ASAH1: variants seen among roughly 807,000 people sequenced by gnomAD.
The protein encoded by ASAH1 is acid ceramidase.
Under a neutral mutation model 59.5 loss-of-function variants are expected in ASAH1, and 70 were observed. The ratio of observed to expected loss-of-function variants is 1.18; its 90% CI spans 0.97 to 1.43. The LOEUF (loss-of-function observed/expected upper bound fraction) is 1.43, where lower values mean the gene tolerates loss of function less well. ASAH1 is among the 40% of genes most tolerant of loss of function. The pLI is 0.00. For synonymous variants in ASAH1, 213 were observed against 166.5 expected (o/e 1.28, Z -2.15); for missense variants, 660 against 482.5 (o/e 1.37, Z -3.45).
intron 10 of ASAH1, chr8:18,060,961 C>G: frequency 5.5e-6 from 1 of 183,410 alleles, no homozygotes; most frequent in South Asian, 1.0e-4. Flanking sequence ...CCATGTTGCT[C>G]AGACTGGTCT....
chr8:18,073,576 G>C (rs1275863106), intron 2 of ASAH1, among the ~76,000 whole-genome samples: 1 of 152,218 alleles, frequency 6.6e-6, no homozygotes, highest in Non-Finnish European at 1.5e-5. Context: ...ATGGGACTCA[G>C]ATGGACTCAG....
intron 8 of ASAH1, 33 bp downstream of exon 8, chr8:18,062,246 A>G (rs778830228): frequency 6.2e-7 from 1 of 1,613,600 alleles, no homozygotes; most frequent in East Asian, 2.2e-5. Context: ...ACAGAAGGCT[A>G]CCTGTATAAT....
chr8:18,084,887 T>G, upstream of ASAH1: 1 of 1,555,594 alleles, frequency 6.4e-7, no homozygotes. Flanking sequence ...CGCGAGTAGC[T>G]CGGCAGGGGG....
chr8:18,063,485 T>G (rs527863922), intron 6 of ASAH1: 137 of 385,310 alleles, frequency 3.6e-4, no homozygotes, highest in Middle Eastern at 1.6e-3. Context: ...TTTTTTTTTT[T>G]GTATTTTTCT....
chr8:18,065,797 CAA>C (rs1257537198), intron 5 of ASAH1: 1 of 151,278 alleles, frequency 6.6e-6, no homozygotes, highest in African/African-American at 2.4e-5. Context: ...TAAGGGAAGA[CAA>C]AAAGACAAAT....
intron 6 of ASAH1, 59 bp from the exon 7 acceptor site, chr8:18,063,289 G>C (rs1450950142): frequency 6.9e-7 from 1 of 1,452,060 alleles, no homozygotes; most frequent in African/African-American, 1.4e-5. Flanking sequence ...AATCAAAGCT[G>C]GACAATTAAT....
intron 1 of ASAH1, among the ~76,000 whole-genome samples, chr8:18,079,165 C>T (rs34723173): frequency 0.024 from 3,555 of 150,582 alleles, 75 homozygotes; most frequent in South Asian, 0.038. Context: ...CCTAGGTACT[C>T]GGAAGGCTGA....
At chr8:18,082,361 T>A (rs1039230081) in intron 1 of ASAH1, among the ~76,000 whole-genome samples, 1 of 152,166 alleles carries the variant, frequency 6.6e-6, no homozygotes, top group African/African-American at 2.4e-5. Flanking sequence ...TCAATATTAT[T>A]ACAAGCCGAT....
At chr8:18,067,012 G>A (rs1366270324) in intron 5 of ASAH1, 3 of 396,720 alleles carry the variant, frequency 7.6e-6, no homozygotes, top group East Asian at 3.4e-5. Flanking sequence ...ATCGTGGAGT[G>A]CTGGGCTCTT....
intron 10 of ASAH1, chr8:18,059,913 A>G: frequency 2.0e-6 from 1 of 497,614 alleles, no homozygotes. Context: ...TATTTGTCCT[A>G]ATGCTCTCCC....
chr8:18,069,391 A>G (rs971126277), intron 4 of ASAH1: 1 of 179,892 alleles, frequency 5.6e-6, no homozygotes, highest in African/African-American at 2.4e-5. Context: ...CTACTGAGGA[A>G]CTCTACAGAA....
At chr8:18,084,773 T>G, upstream of ASAH1, 2 of 1,613,648 alleles carry the variant, frequency 1.2e-6, no homozygotes, top group Non-Finnish European at 1.7e-6. Flanking sequence ...CCCGCGAGCT[T>G]TCTCTCCCAG....
At chr8:18,075,065 G>T (rs944768812) in intron 2 of ASAH1, among the ~76,000 whole-genome samples, 4 of 146,782 alleles carry the variant, frequency 2.7e-5, no homozygotes, top group Admixed American at 2.1e-4. Flanking sequence ...GTGCGATCTC[G>T]GCTCACTGCA....
At chr8:18,080,050 G>T (rs1800587515) in intron 1 of ASAH1, among the ~76,000 whole-genome samples, 1 of 152,212 alleles carries the variant, frequency 6.6e-6, no homozygotes, top group African/African-American at 2.4e-5. Flanking sequence ...AGCAGTATTT[G>T]TTGAATAAGT....
At position 18,067,531 on chromosome 8, in the gene ASAH1, G is replaced by T. The variant is rs888150827; in HGVS notation, c.304-233C>A. 8 of 193,586 alleles carry T rather than the reference G, an allele frequency of 4.1e-5. 1 individual carries two copies. The South Asian group carries it at 7.6e-4, about 18-fold the overall frequency. The allele number at this position is 193,586 out of a possible 1,614,324, so 12.0% of individuals were successfully genotyped here. A position where few individuals can be genotyped will look rare whatever the true frequency, so the allele number is the denominator to read the frequency against. On this transcript the variant is annotated intron_variant, in intron 4 of 13. Transcript: ENST00000637790. ...ACTGAATATTGGGCCCCTATACAGA[G>T]ACCAGATTCTCAGATTGTTTTTCCT...
intron 1 of ASAH1, 190 bp downstream of exon 1, chr8:18,083,791 C>G: frequency 8.4e-7 from 1 of 1,186,434 alleles, no homozygotes; most frequent in Non-Finnish European, 1.2e-6. Flanking sequence ...CAGGTAGCAC[C>G]GAATCTACCG....
At chr8:18,070,084 G>A (rs949771593) in intron 3 of ASAH1, among the ~76,000 whole-genome samples, 4 of 152,032 alleles carry the variant, frequency 2.6e-5, no homozygotes, top group Non-Finnish European at 5.9e-5. Flanking sequence ...AGGTTCAAGC[G>A]ATTCTCCTGC....
intron 8 of ASAH1, 105 bp from the exon 9 acceptor site, chr8:18,061,845 ATGGGG>A: frequency 9.6e-7 from 1 of 1,045,802 alleles, no homozygotes; most frequent in Non-Finnish European, 1.4e-6. Context: ...AGCTTGGGTA[ATGGGG>A]AAGGCAAAAA....
chr8:18,079,416 A>G (rs1412815653), intron 1 of ASAH1, among the ~76,000 whole-genome samples: 1 of 152,014 alleles, frequency 6.6e-6, no homozygotes, highest in Non-Finnish European at 1.5e-5. Context: ...GAAATTAATT[A>G]CAGAGCTACT....
Sources: allele counts gnomAD v4.1 joint callset (sites outside exome capture counted in the v4.1 genomes callset), GRCh38; gene constraint gnomAD v4.1.1; transcripts MANE v1.5; gene names NCBI Gene and HGNC (gene_info 2026-07-23, HGNC 2026-07-21).